METTL15: variants seen among roughly 807,000 people sequenced by gnomAD.
METTL15 encodes methyltransferase 15, mitochondrial 12S rRNA N4-cytidine.
METTL15 carries 34 observed loss-of-function variants against 38.3 expected under a neutral mutation model. The observed-to-expected ratio is 0.89, with a 90% CI of 0.68 to 1.18. The LOEUF is 1.18. Ranked by LOEUF, METTL15 falls within the 50% of genes most tolerant of loss-of-function variation. The pLI is 0.00. For synonymous variants in METTL15, 162 were observed against 170.9 expected (o/e 0.95, Z 0.41); for missense variants, 438 against 498.4 (o/e 0.88, Z 1.15).
At chr11:28,416,647 T>G (rs898674663) in intron 5 of METTL15, among the ~76,000 whole-genome samples, 1 of 152,142 alleles carries the variant, frequency 6.6e-6, no homozygotes, top group Non-Finnish European at 1.5e-5. Flanking sequence ...ATAAGGGACT[T>G]GTTAAAAATA....
chr11:28,378,034 C>T (rs913135089), intron 5 of METTL15, among the ~76,000 whole-genome samples: 1 of 152,118 alleles, frequency 6.6e-6, no homozygotes, highest in Non-Finnish European at 1.5e-5. Flanking sequence ...CAGCTGCGTA[C>T]TGGGAGAACC....
chr11:28,458,002 C>T (rs1280200753), intron 6 of METTL15, among the ~76,000 whole-genome samples: 1 of 152,220 alleles, frequency 6.6e-6, no homozygotes, highest in African/African-American at 2.4e-5. Flanking sequence ...GGGCATCCCA[C>T]AGCTGGCAAG....
intron 3 of METTL15, among the ~76,000 whole-genome samples, chr11:28,198,015 A>G (rs998929648): frequency 6.6e-6 from 1 of 152,084 alleles, no homozygotes; most frequent in Non-Finnish European, 1.5e-5. Context: ...CAAATACTAT[A>G]AACAGTCTAT....
At chr11:28,413,346 A>G (rs1200580430) in intron 5 of METTL15, among the ~76,000 whole-genome samples, 2 of 152,096 alleles carry the variant, frequency 1.3e-5, no homozygotes, top group African/African-American at 4.8e-5. Context: ...CTTTTTACAA[A>G]CTAAACTTTT....
At chr11:28,184,879 T>A (rs1851436382) in intron 3 of METTL15, among the ~76,000 whole-genome samples, 1 of 151,478 alleles carries the variant, frequency 6.6e-6, no homozygotes, top group Non-Finnish European at 1.5e-5. Flanking sequence ...TGAAAGCTAT[T>A]TGCTATTGCA....
At position 28,425,338 on chromosome 11, in the gene METTL15, GA is replaced by G. The variant is rs1310490914; in HGVS notation, c.*424+976del. ...CCTTTCCTAGTTTTGCCCTCAAGGT[GA>G]AGTCCAGACTCCTGAATGTCACCTC... On this transcript the variant is annotated intron_variant and NMD_transcript_variant, in intron 6 of 7. Coordinates refer to the METTL15 transcript ENST00000532947. Among the ~76,000 whole-genome samples the G allele has an allele frequency of 4.6e-5, 7 of 152,264 alleles. No individual in the cohort carries two copies. In the East Asian group the frequency reaches 1.4e-3, roughly 29 times the overall value.
At chr11:28,329,000 A>G (rs1849729263) in intron 6 of METTL15, among the ~76,000 whole-genome samples, 1 of 152,014 alleles carries the variant, frequency 6.6e-6, no homozygotes, top group Non-Finnish European at 1.5e-5. Context: ...TTTGTTGTTC[A>G]CAATTTTGGT....
At chr11:28,136,971 A>G (rs1217167825) in intron 3 of METTL15, among the ~76,000 whole-genome samples, 2 of 152,126 alleles carry the variant, frequency 1.3e-5, no homozygotes, top group Admixed American at 6.5e-5. Flanking sequence ...TAAGAGAGAA[A>G]AAGCCAGATT....
At chr11:28,503,186 G>A (rs1244885201) in intron 6 of METTL15, among the ~76,000 whole-genome samples, 1 of 152,076 alleles carries the variant, frequency 6.6e-6, no homozygotes, top group Non-Finnish European at 1.5e-5. Context: ...AGATTCCCGT[G>A]GAAGTGACAC....
chr11:28,387,301 A>G (rs1850450631), intron 5 of METTL15, among the ~76,000 whole-genome samples: 3 of 152,048 alleles, frequency 2.0e-5, no homozygotes, highest in Admixed American at 1.3e-4. Flanking sequence ...AAAATTGACA[A>G]ACTCTTAGCT....
At chr11:28,477,405 AC>A (rs1027177678) in intron 6 of METTL15, 8 of 151,538 alleles carry the variant, frequency 5.3e-5, no homozygotes, top group East Asian at 1.9e-4. Flanking sequence ...CTAGTTTCGA[AC>A]CCCTGACTTC....
chr11:28,396,210 T>G (rs1439955870), intron 5 of METTL15, among the ~76,000 whole-genome samples: 6 of 152,040 alleles, frequency 3.9e-5, no homozygotes, highest in Admixed American at 2.6e-4. Context: ...CTCTCACCAC[T>G]CCTATTCAAC....
intron 6 of METTL15, among the ~76,000 whole-genome samples, chr11:28,310,962 GTGGGTGTGTGT>G (rs1565244493): frequency 8.5e-6 from 1 of 117,454 alleles, no homozygotes; most frequent in African/African-American, 4.0e-5. Context: ...GGTGGTGGTG[GTGGGTGTGTGT>G]GTGTGTGTGT....
chr11:28,331,219 A>G lies in METTL15; in HGVS notation c.*378A>G, dbSNP rs879316659. 5 of 157,354 alleles carry G rather than the reference A, an allele frequency of 3.2e-5. No homozygotes were observed. Among genetic ancestry groups the G allele is most frequent in the Non-Finnish European group, 5.5e-5 (4 of 72,458 alleles). The allele number at this position is 157,354 out of a possible 1,614,324, so 9.7% of individuals were successfully genotyped here. ...TCTGCATGTCCTAAATTTTGAATTT[A>G]GATATTCCAATTTGCATCAGTCTTT... is the stretch of plus-strand genomic sequence containing the variant. On this transcript the variant is annotated 3_prime_UTR_variant, in exon 7 of 7. Transcript: ENST00000407364.
At chr11:28,405,786 C>T (rs968151551) in intron 5 of METTL15, among the ~76,000 whole-genome samples, 1 of 152,126 alleles carries the variant, frequency 6.6e-6, no homozygotes, top group African/African-American at 2.4e-5. Context: ...GCTCCCATTT[C>T]AAATGATTGT....
chr11:28,333,339 C>T lies in METTL15; in HGVS notation c.*2498C>T, dbSNP rs1446583992. 2.6e-5 allele frequency: 4 copies of T among 152,258 alleles called. No individual in the cohort carries two copies. The East Asian group carries it at 7.7e-4, about 29-fold the overall frequency. 9.4% of individuals were successfully genotyped at this position (152,258 alleles called of 1,614,324 possible). A position where few individuals can be genotyped will look rare whatever the true frequency, so the allele number is the denominator to read the frequency against. On this transcript the variant is annotated 3_prime_UTR_variant, in exon 7 of 7. Coordinates refer to ENST00000407364, the MANE Select transcript of METTL15 (RefSeq NM_001113528.2). ...AATTAGATTGTGTTTTATAGTAATT[C>T]TTGCCTGCTTCTTAGTCTTTGTTGT...
Position 28,354,065 on chromosome 11 carries a change from G to T in METTL15, c.*258+1907G>T, listed in dbSNP as rs200106425. On this transcript the variant is annotated intron_variant and NMD_transcript_variant, in intron 4 of 7. Coordinates refer to the METTL15 transcript ENST00000532947. ...GACATATCTCAGGACTTGCCAAAAG[G>T]CAGCAAAGAAATGAGACTACAGAAC... 3.8e-3 allele frequency among the ~76,000 whole-genome samples: 579 copies of T among 152,236 alleles called. 2 individuals carry two copies. Among genetic ancestry groups the T allele is most frequent in the Non-Finnish European group, 6.0e-3 (408 of 68,020 alleles).
intron 6 of METTL15, among the ~76,000 whole-genome samples, chr11:28,314,697 G>A (rs1361250249): frequency 6.6e-6 from 1 of 152,156 alleles, no homozygotes; most frequent in East Asian, 1.9e-4. Flanking sequence ...GGTATGGTTT[G>A]GCTCTGTGTC....
chr11:28,516,363 A>C (rs143648806), intron 6 of METTL15, among the ~76,000 whole-genome samples: 378 of 152,296 alleles, frequency 2.5e-3, no homozygotes, highest in African/African-American at 8.3e-3. Context: ...ATGGAGATCC[A>C]GGTTACATGG....
Sources: gnomAD v4.1 joint callset for allele counts (sites outside exome capture counted in the v4.1 genomes callset) on GRCh38, gnomAD v4.1.1 for gene constraint, MANE v1.5 for transcripts, NCBI Gene and HGNC (gene_info 2026-07-23, HGNC 2026-07-21) for gene names.